The following BBOX1 variants were observed in gnomAD, a reference collection of about 807,000 sequenced individuals.
The protein encoded by BBOX1 is gamma-butyrobetaine dioxygenase.
Under a neutral mutation model 41.6 loss-of-function variants are expected in BBOX1, and 35 were observed. The ratio of observed to expected loss-of-function variants is 0.84; its 90% CI spans 0.64 to 1.11. BBOX1 has a LOEUF of 1.11. BBOX1 is among the 50% of genes most tolerant of loss of function. The pLI is 0.00. For missense variants in BBOX1, 458 were observed against 460.6 expected, an observed-to-expected ratio of 0.99 and a Z score of 0.05; for synonymous variants, 163 against 154.7, an observed-to-expected ratio of 1.05 and a Z score of -0.40.
intron 4 of BBOX1, among the ~76,000 whole-genome samples, chr11:27,081,357 C>T (rs1201564991): frequency 2.0e-5 from 3 of 152,164 alleles, no homozygotes; most frequent in Non-Finnish European, 2.9e-5. Flanking sequence ...TTTCCAGCTT[C>T]ATCCATGTCC....
intron 4 of BBOX1, among the ~76,000 whole-genome samples, chr11:27,077,710 G>C (rs1857683004): frequency 6.6e-6 from 1 of 150,926 alleles, no homozygotes; most frequent in Admixed American, 6.6e-5. Context: ...TATTAAAATT[G>C]CTTTCTCATT....
intron 2 of BBOX1, among the ~76,000 whole-genome samples, chr11:27,046,823 T>C (rs1851500189): frequency 6.6e-6 from 1 of 152,122 alleles, no homozygotes; most frequent in Admixed American, 6.6e-5. Context: ...ACAAGTCAAG[T>C]TGGTTAAATT....
At chr11:27,076,595 T>A (rs73430358) in intron 4 of BBOX1, among the ~76,000 whole-genome samples, 2,440 of 152,244 alleles carry the variant, frequency 0.016, 66 homozygotes, top group African/African-American at 0.052. Context: ...AGGGGAGGTA[T>A]TCTGTATTCT....
At chr11:27,046,820 A>C (rs2133943897) in intron 2 of BBOX1, among the ~76,000 whole-genome samples, 1 of 152,230 alleles carries the variant, frequency 6.6e-6, no homozygotes, top group East Asian at 1.9e-4. Context: ...CTAACAAGTC[A>C]AGTTGGTTAA....
In BBOX1 at chr11:27,048,111, G is replaced by C. The variant is rs551767875; in HGVS notation, c.-39+6633G>C. Among the ~76,000 whole-genome samples the C allele has an allele frequency of 4.0e-5, 6 of 151,380 alleles. No homozygotes were observed. In the East Asian group the frequency reaches 5.8e-4, roughly 15 times the overall value. On this transcript the variant is annotated intron_variant, in intron 2 of 8. Coordinates refer to ENST00000263182, the MANE Select transcript of BBOX1 (RefSeq NM_003986.3). ...TTTACATAGTTATCATTGTATGTTG[G>C]GGGGGTGAGAACACTTGAGATCTAC...
chr11:27,106,804 C>T (rs112032226), intron 5 of BBOX1, among the ~76,000 whole-genome samples: 5,081 of 152,214 alleles, frequency 0.033, 128 homozygotes, highest in South Asian at 0.11. Context: ...AGCACCACAT[C>T]GCACTTACTC....
At chr11:27,108,065 T>C (rs1044518263) in intron 5 of BBOX1, among the ~76,000 whole-genome samples, 1 of 152,076 alleles carries the variant, frequency 6.6e-6, no homozygotes, top group Admixed American at 6.6e-5. Flanking sequence ...GATAGACTTT[T>C]AGGCTACACA....
intron 4 of BBOX1, among the ~76,000 whole-genome samples, chr11:27,092,569 T>C (rs949150288): frequency 5.3e-5 from 8 of 151,968 alleles, no homozygotes; most frequent in Non-Finnish European, 1.2e-4. Flanking sequence ...TGACCTTATC[T>C]GTGTGGCGCT....
At chr11:27,079,623 T>C (rs117875922) in intron 4 of BBOX1, among the ~76,000 whole-genome samples, 1 of 152,078 alleles carries the variant, frequency 6.6e-6, no homozygotes, top group Admixed American at 6.6e-5. Flanking sequence ...TAATAGGAGA[T>C]TCTAGCCCAG....
intron 4 of BBOX1, among the ~76,000 whole-genome samples, chr11:27,073,960 G>A (rs1481746927): frequency 5.3e-5 from 8 of 152,012 alleles, no homozygotes; most frequent in African/African-American, 1.9e-4. Context: ...TATACCTAAT[G>A]TAAATGACGA....
intron 4 of BBOX1, among the ~76,000 whole-genome samples, chr11:27,074,555 A>G (rs1313739540): frequency 8.5e-5 from 13 of 152,156 alleles, no homozygotes; most frequent in Admixed American, 5.9e-4. Context: ...CTCTTCAGCA[A>G]GAAGAAAGGC....
chr11:27,066,789 T>G (rs1857299889), intron 4 of BBOX1: 1 of 152,228 alleles, frequency 6.6e-6, no homozygotes, highest in African/African-American at 2.4e-5. Flanking sequence ...ATACATACTA[T>G]TGATTTGCCT....
intron 2 of BBOX1, among the ~76,000 whole-genome samples, chr11:27,045,384 A>G (rs1439227065): frequency 1.3e-5 from 2 of 152,162 alleles, no homozygotes; most frequent in Non-Finnish European, 2.9e-5. Context: ...AACAAAGACA[A>G]TTTGACTTCT....
chr11:27,101,688 CT>C (rs913953575), intron 5 of BBOX1, among the ~76,000 whole-genome samples: 12 of 151,978 alleles, frequency 7.9e-5, no homozygotes, highest in South Asian at 4.2e-4. Flanking sequence ...ACAAAGATTT[CT>C]TTTTTTATTT....
chr11:27,079,358 G>T (rs1168262245), intron 4 of BBOX1, among the ~76,000 whole-genome samples: 1 of 152,132 alleles, frequency 6.6e-6, no homozygotes, highest in Non-Finnish European at 1.5e-5. Context: ...AAACTTGGAA[G>T]AAAGTGATCC....
chr11:27,118,612 C>T (rs566328490), intron 6 of BBOX1, among the ~76,000 whole-genome samples: 44 of 151,940 alleles, frequency 2.9e-4, no homozygotes, highest in African/African-American at 9.4e-4. Flanking sequence ...TTCTGAATGA[C>T]TCATATGAAG....
intron 4 of BBOX1, among the ~76,000 whole-genome samples, chr11:27,070,127 G>C (rs773472449): frequency 6.6e-5 from 10 of 151,946 alleles, no homozygotes; most frequent in South Asian, 2.1e-4. Context: ...GTTCTGAGAG[G>C]GTACTTGATA....
chr11:27,065,877 G>A (rs1857266671), intron 4 of BBOX1, among the ~76,000 whole-genome samples: 1 of 152,056 alleles, frequency 6.6e-6, no homozygotes, highest in South Asian at 2.1e-4. Flanking sequence ...ATAAGACAAT[G>A]TTAGTGCTAG....
intron 2 of BBOX1, among the ~76,000 whole-genome samples, chr11:27,052,738 T>C (rs575716236): frequency 2.0e-5 from 3 of 152,218 alleles, no homozygotes; most frequent in East Asian, 1.9e-4. Context: ...GCTTTTATCA[T>C]GTAAAAAGGA....
Sources: allele counts gnomAD v4.1 joint callset (sites outside exome capture counted in the v4.1 genomes callset), GRCh38; gene constraint gnomAD v4.1.1; transcripts MANE v1.5; gene names NCBI Gene and HGNC (gene_info 2026-07-23, HGNC 2026-07-21).